The following CSMD1 variants were observed in gnomAD, a reference collection of about 807,000 sequenced individuals.
CSMD1 encodes the protein CUB and sushi domain-containing protein 1.
A neutral mutation model predicts 417.5 loss-of-function variants in CSMD1; 213 were observed. The observed-to-expected ratio is 0.51, with a 90% CI of 0.46 to 0.57. CSMD1 has a LOEUF of 0.57. CSMD1 is among the 20% of genes least tolerant of loss of function. The probability of loss-of-function intolerance (pLI) is 0.00; values close to 1 mark genes in which losing one functional copy is unlikely to be tolerated. For missense variants in CSMD1, 6,923 were observed against 4,529.7 expected (o/e 1.53, Z -15.17); for synonymous variants, 2,862 against 1,736.8 (o/e 1.65, Z -16.11).
At chr8:4,245,368 C>A (rs1055038687) in intron 3 of CSMD1, among the ~76,000 whole-genome samples, 2 of 152,048 alleles carry the variant, frequency 1.3e-5, no homozygotes, top group Admixed American at 6.6e-5. Context: ...ATTGCAAGTA[C>A]CCAGCCTGCC....
chr8:4,683,479 G>C (rs1026952973), intron 1 of CSMD1, among the ~76,000 whole-genome samples: 15 of 152,162 alleles, frequency 9.9e-5, no homozygotes, highest in African/African-American at 3.6e-4. Flanking sequence ...TCCTGCACAA[G>C]TAGAGTGGAC....
intron 1 of CSMD1, among the ~76,000 whole-genome samples, chr8:4,713,246 G>A (rs1286133997): frequency 6.6e-6 from 1 of 152,228 alleles, no homozygotes; most frequent in East Asian, 1.9e-4. Flanking sequence ...AATTACTCAA[G>A]TACAGAAGGA....
intron 26 of CSMD1, among the ~76,000 whole-genome samples, chr8:3,249,839 A>G (rs577860920): frequency 1.3e-5 from 2 of 152,196 alleles, no homozygotes; most frequent in Non-Finnish European, 2.9e-5. Flanking sequence ...TATTTTGCAA[A>G]TGGCTAATGG....
intron 2 of CSMD1, among the ~76,000 whole-genome samples, chr8:4,522,367 C>A (rs112910778): frequency 1.3e-5 from 2 of 152,068 alleles, no homozygotes; most frequent in African/African-American, 4.8e-5. Flanking sequence ...GCCAAGTCTC[C>A]GGTATGCCTT....
intron 1 of CSMD1, among the ~76,000 whole-genome samples, chr8:4,689,228 C>T (rs1431388655): frequency 6.6e-6 from 1 of 152,178 alleles, no homozygotes; most frequent in Non-Finnish European, 1.5e-5. Context: ...GGTGATTTTG[C>T]ATGTATTAAA....
intron 10 of CSMD1, among the ~76,000 whole-genome samples, chr8:3,508,913 A>C (rs1048212044): frequency 1.3e-5 from 2 of 152,180 alleles, no homozygotes; most frequent in East Asian, 3.9e-4. Flanking sequence ...GGACCCTTGC[A>C]CATAAATTTT....
At chr8:3,449,674 T>C (rs1272265861) in intron 12 of CSMD1, among the ~76,000 whole-genome samples, 4 of 152,098 alleles carry the variant, frequency 2.6e-5, no homozygotes, top group South Asian at 2.1e-4. Context: ...ACTGCAACCA[T>C]GCCTGGCTAA....
At chr8:4,760,335 T>G (rs944275745) in intron 1 of CSMD1, among the ~76,000 whole-genome samples, 1 of 152,196 alleles carries the variant, frequency 6.6e-6, no homozygotes, top group Non-Finnish European at 1.5e-5. Flanking sequence ...GCTGGTTTCC[T>G]AGTGAAATCA....
At chr8:3,538,515 G>A (rs981824742) in intron 10 of CSMD1, among the ~76,000 whole-genome samples, 3 of 152,300 alleles carry the variant, frequency 2.0e-5, no homozygotes, top group South Asian at 2.1e-4. Flanking sequence ...CACCTGAGAT[G>A]CCCCACCTGC....
intron 12 of CSMD1, among the ~76,000 whole-genome samples, chr8:3,411,425 G>C (rs113620268): frequency 0.076 from 11,526 of 151,692 alleles, 583 homozygotes; most frequent in East Asian, 0.26. Flanking sequence ...TCATTTTGTA[G>C]TCTTCTATTC....
At chr8:4,457,304 G>T (rs946608811) in intron 2 of CSMD1, among the ~76,000 whole-genome samples, 1 of 152,086 alleles carries the variant, frequency 6.6e-6, no homozygotes, top group African/African-American at 2.4e-5. Flanking sequence ...ATCTTTCTAA[G>T]ACTACTTTTG....
intron 5 of CSMD1, among the ~76,000 whole-genome samples, chr8:3,864,361 G>A (rs976183873): frequency 4.2e-5 from 2 of 48,182 alleles, no homozygotes; most frequent in East Asian, 1.2e-3. Flanking sequence ...AACCACAGAA[G>A]GGGCAGGTAT....
chr8:4,855,112 C>A (rs1054431686), intron 1 of CSMD1, among the ~76,000 whole-genome samples: 1 of 151,786 alleles, frequency 6.6e-6, no homozygotes, highest in Non-Finnish European at 1.5e-5. Flanking sequence ...GACCCCTGAC[C>A]CCCGAGCAGC....
rs570828088 is a variant in CSMD1, at chr8:4,140,517, A to G, written c.416-108418T>C. ...AAAAACAAACAAACAAACAAACAAAAATTAGCTGAGTGTGGTGGTGTGCAC... is the reference window on the plus strand; with the variant it reads ...AAAAACAAACAAACAAACAAACAAAGATTAGCTGAGTGTGGTGGTGTGCAC... On this transcript the variant is annotated intron_variant, in intron 3 of 69. Coordinates refer to ENST00000635120, the MANE Select transcript of CSMD1 (RefSeq NM_033225.6). Among the ~76,000 whole-genome samples, 8 of 140,404 alleles carry G rather than the reference A, an allele frequency of 5.7e-5. 2 individuals carry two copies. Among genetic ancestry groups the G allele is most frequent in the African/African-American group, 2.0e-4 (8 of 39,148 alleles). The allele number at this position is 140,404 out of a possible 152,430, so 92.1% of individuals were successfully genotyped here.
intron 5 of CSMD1, among the ~76,000 whole-genome samples, chr8:3,793,397 T>C (rs1394360898): frequency 6.6e-6 from 1 of 152,144 alleles, no homozygotes. Flanking sequence ...CCCATATTTT[T>C]CCTTGCCTAC....
intron 3 of CSMD1, among the ~76,000 whole-genome samples, chr8:4,035,798 A>G (rs1028101514): frequency 6.6e-5 from 10 of 152,184 alleles, no homozygotes; most frequent in Non-Finnish European, 1.5e-4. Flanking sequence ...ATTAAAAAAG[A>G]AAAATGTGTT....
chr8:4,455,929 C>CAAAAAAAA lies in CSMD1; in HGVS notation c.303-35872_303-35865dup, dbSNP rs71207091. Among the ~76,000 whole-genome samples the CAAAAAAAA allele has an allele frequency of 7.6e-3, 89 of 11,640 alleles. 20 individuals are homozygous for CAAAAAAAA. Among genetic ancestry groups the CAAAAAAAA allele is most frequent in the East Asian group, 0.052 (7 of 134 alleles). The allele number at this position is 11,640 out of a possible 152,430, so 7.6% of individuals were successfully genotyped here. A position where few individuals can be genotyped will look rare whatever the true frequency, so the allele number is the denominator to read the frequency against. ...GGGTGACAAAGTGAGACTCCAACTC[C>CAAAAAAAA]AAAAAAAAAAAAAAAAAAAAAAAAA... On this transcript the variant is annotated intron_variant, in intron 2 of 69. Coordinates refer to ENST00000635120, the MANE Select transcript of CSMD1 (RefSeq NM_033225.6).
chr8:4,950,828 G>A (rs1585393416), intron 1 of CSMD1, among the ~76,000 whole-genome samples: 1 of 152,056 alleles, frequency 6.6e-6, no homozygotes, highest in East Asian at 1.9e-4. Context: ...TGACCATTAG[G>A]AGCACCACTC....
intron 1 of CSMD1, among the ~76,000 whole-genome samples, chr8:4,855,513 T>C (rs991457729): frequency 2.6e-5 from 4 of 152,122 alleles, no homozygotes; most frequent in Non-Finnish European, 4.4e-5. Flanking sequence ...TTGAAAACTT[T>C]GAAAAAAATT....
Sources: allele counts gnomAD v4.1 joint callset (sites outside exome capture counted in the v4.1 genomes callset), GRCh38; gene constraint gnomAD v4.1.1; transcripts MANE v1.5; gene names NCBI Gene and HGNC (gene_info 2026-07-23, HGNC 2026-07-21).